The following HMBOX1 variants were observed in gnomAD, a reference collection of about 807,000 sequenced individuals.
HMBOX1 encodes the protein homeobox containing 1, also known as homeobox-containing protein 1.
Under a neutral mutation model 54.5 loss-of-function variants are expected in HMBOX1, and 14 were observed. The observed-to-expected ratio is 0.26, with a 90% CI of 0.17 to 0.40. The LOEUF is 0.40. Among genes scored for constraint, HMBOX1 ranks in the 10% least tolerant of loss-of-function variants. HMBOX1 has a pLI of 1.00. For missense variants in HMBOX1, 332 were observed against 514.4 expected, an observed-to-expected ratio of 0.65 and a Z score of 3.43; for synonymous variants, 160 against 181.0, an observed-to-expected ratio of 0.88 and a Z score of 0.93.
At chr8:29,023,470 A>G (rs983738745) in intron 6 of HMBOX1, among the ~76,000 whole-genome samples, 14 of 152,098 alleles carry the variant, frequency 9.2e-5, no homozygotes, top group Admixed American at 3.9e-4. Context: ...TGGCATGATC[A>G]TAGCTCACCA....
At chr8:28,946,737 T>C (rs1169081761) in intron 1 of HMBOX1, among the ~76,000 whole-genome samples, 5 of 152,236 alleles carry the variant, frequency 3.3e-5, no homozygotes, top group Admixed American at 2.6e-4. Flanking sequence ...CTGGAAATTA[T>C]TCCAAAGATT....
At chr8:28,977,757 GGTGAAACCCCGT>G (rs1299806308) in intron 3 of HMBOX1, among the ~76,000 whole-genome samples, 1 of 151,944 alleles carries the variant, frequency 6.6e-6, no homozygotes, top group East Asian at 1.9e-4. Flanking sequence ...TGGCTAACAC[GGTGAAACCCCGT>G]GTCTACTAAA....
chr8:29,045,474 G>C (rs375855843), intron 7 of HMBOX1, 31 bp downstream of exon 7: 1 of 1,547,156 alleles, frequency 6.5e-7, no homozygotes. Context: ...TTGCTCTGCG[G>C]TGCAGCACAG....
chr8:28,967,310 T>A (rs1487306449), intron 2 of HMBOX1, among the ~76,000 whole-genome samples: 1 of 152,216 alleles, frequency 6.6e-6, no homozygotes, highest in African/African-American at 2.4e-5. Context: ...TTGTTTCTCC[T>A]TTTATGACTT....
chr8:28,905,340 C>G (rs80347032), intron 1 of HMBOX1, among the ~76,000 whole-genome samples: 1 of 152,000 alleles, frequency 6.6e-6, no homozygotes, highest in Non-Finnish European at 1.5e-5. Context: ...CGCGTGCATG[C>G]GCACACACAC....
chr8:28,946,745 A>C (rs970607729), intron 1 of HMBOX1, among the ~76,000 whole-genome samples: 10 of 152,342 alleles, frequency 6.6e-5, no homozygotes, highest in African/African-American at 2.2e-4. Flanking sequence ...TATTCCAAAG[A>C]TTGAAGAGGT....
intron 1 of HMBOX1, among the ~76,000 whole-genome samples, chr8:28,909,849 G>T (rs1045925104): frequency 6.6e-6 from 1 of 151,830 alleles, no homozygotes; most frequent in South Asian, 2.1e-4. Flanking sequence ...TCCAATTTTA[G>T]AACTTTTTTT....
intron 5 of HMBOX1, among the ~76,000 whole-genome samples, chr8:29,014,783 G>A (rs938780708): frequency 6.6e-6 from 1 of 151,982 alleles, no homozygotes; most frequent in Non-Finnish European, 1.5e-5. Flanking sequence ...GGGTTCAAGC[G>A]ATTCTCCTGC....
intron 4 of HMBOX1, among the ~76,000 whole-genome samples, chr8:28,987,427 A>G (rs1317053003): frequency 6.6e-6 from 1 of 152,204 alleles, no homozygotes; most frequent in Non-Finnish European, 1.5e-5. Context: ...CCCAGTAAGA[A>G]AGTCACAAGG....
chr8:28,987,436 G>A (rs898596354), intron 4 of HMBOX1, among the ~76,000 whole-genome samples: 3 of 152,138 alleles, frequency 2.0e-5, no homozygotes, highest in African/African-American at 7.2e-5. Context: ...AAAGTCACAA[G>A]GTATCTGTGT....
intron 6 of HMBOX1, among the ~76,000 whole-genome samples, chr8:29,020,204 T>A (rs1421468884): frequency 6.6e-6 from 1 of 152,250 alleles, no homozygotes; most frequent in Admixed American, 6.5e-5. Context: ...ATTAAAATAA[T>A]GTCTAACTTA....
chr8:28,930,649 T>G (rs1196466966), intron 1 of HMBOX1, among the ~76,000 whole-genome samples: 1 of 152,196 alleles, frequency 6.6e-6, no homozygotes, highest in Non-Finnish European at 1.5e-5. Context: ...TTAAGCATAC[T>G]TTGTGTTTTT....
chr8:28,989,611 T>G (rs1445148953), intron 4 of HMBOX1, among the ~76,000 whole-genome samples: 1 of 152,234 alleles, frequency 6.6e-6, no homozygotes, highest in Non-Finnish European at 1.5e-5. Context: ...TAGATTATTA[T>G]AAGTCTTGAA....
chr8:29,009,036 C>A, intron 4 of HMBOX1, 36 bp from the exon 5 acceptor site: 1 of 1,480,138 alleles, frequency 6.8e-7, no homozygotes, highest in Non-Finnish European at 9.4e-7. Flanking sequence ...ACTGTAATTT[C>A]AGTGCCCCCC....
At chr8:28,940,860 G>A (rs1331076909) in intron 1 of HMBOX1, among the ~76,000 whole-genome samples, 1 of 152,174 alleles carries the variant, frequency 6.6e-6, no homozygotes, top group African/African-American at 2.4e-5. Flanking sequence ...ATAAAATTAC[G>A]TTAAATAGCT....
intron 1 of HMBOX1, among the ~76,000 whole-genome samples, chr8:28,939,962 T>G (rs886361672): frequency 3.3e-5 from 5 of 152,176 alleles, no homozygotes; most frequent in Non-Finnish European, 1.5e-5. Context: ...TCCCTTTGCT[T>G]CTTTGTCTAT....
chr8:28,952,087 G>T (rs1470372619), intron 1 of HMBOX1, among the ~76,000 whole-genome samples: 2 of 150,820 alleles, frequency 1.3e-5, no homozygotes, highest in Admixed American at 1.3e-4. Flanking sequence ...GAGGTGGGAG[G>T]ATTGTTTGAG....
At chr8:28,921,711 T>G (rs987689569) in intron 1 of HMBOX1, among the ~76,000 whole-genome samples, 1 of 152,226 alleles carries the variant, frequency 6.6e-6, no homozygotes, top group Non-Finnish European at 1.5e-5. Context: ...TAAAACATGC[T>G]TATATTTAAT....
chr8:28,911,230 C>A (rs537676222), intron 1 of HMBOX1, among the ~76,000 whole-genome samples: 3 of 152,332 alleles, frequency 2.0e-5, no homozygotes, highest in Admixed American at 2.0e-4. Context: ...TGCAGCCAGG[C>A]TTGTACAATG....
Sources: gnomAD v4.1 joint callset for allele counts (sites outside exome capture counted in the v4.1 genomes callset) on GRCh38, gnomAD v4.1.1 for gene constraint, MANE v1.5 for transcripts, NCBI Gene and HGNC (gene_info 2026-07-23, HGNC 2026-07-21) for gene names.